The following TTLL5 variants were observed in gnomAD, a reference collection of about 807,000 sequenced individuals.
TTLL5 encodes tubulin tyrosine ligase like 5.
In TTLL5, 132 loss-of-function variants were observed where a neutral mutation model predicts 168.4. The observed-to-expected ratio is 0.78, with a 90% CI of 0.68 to 0.91. TTLL5 has a LOEUF of 0.91. Among genes scored for constraint, TTLL5 ranks in the 40% least tolerant of loss-of-function variants. TTLL5 has a pLI of 0.00. For synonymous variants in TTLL5, 546 were observed against 558.6 expected (o/e 0.98, Z 0.32); for missense variants, 1,545 against 1,581.5 (o/e 0.98, Z 0.39).
chr14:75,731,994 C>T (rs532433481), intron 12 of TTLL5, among the ~76,000 whole-genome samples: 1 of 150,842 alleles, frequency 6.6e-6, no homozygotes, highest in Admixed American at 6.6e-5. Flanking sequence ...ATTCCTTTCC[C>T]CGCCTCTTTT....
chr14:75,875,039 T>G (rs1269919846), intron 29 of TTLL5, among the ~76,000 whole-genome samples: 1 of 145,968 alleles, frequency 6.9e-6, no homozygotes, highest in African/African-American at 2.5e-5. Context: ...GTTCACACCA[T>G]TCTCCTGCCT....
intron 31 of TTLL5, among the ~76,000 whole-genome samples, chr14:75,940,502 C>T (rs926319943): frequency 2.6e-5 from 4 of 152,124 alleles, no homozygotes; most frequent in African/African-American, 7.2e-5. Flanking sequence ...ACCAGATATA[C>T]TCAAGTAGGT....
In TTLL5 at chr14:75,883,437, C is replaced by T. The variant is rs552716581; in HGVS notation, c.3740+535C>T. Reference sequence around the variant, plus strand: ...GAACTAGAAATAGATTGGTGAAGAGCGTTGGTTCTAGCAGCCCTTCTTCAG... The same window carrying T: ...GAACTAGAAATAGATTGGTGAAGAGTGTTGGTTCTAGCAGCCCTTCTTCAG... On this transcript the variant is annotated intron_variant, in intron 30 of 31. Coordinates refer to ENST00000298832, the MANE Select transcript of TTLL5 (RefSeq NM_015072.5). Among the ~76,000 whole-genome samples the T allele has an allele frequency of 1.8e-3, 270 of 152,342 alleles. 1 individual carries two copies. Among genetic ancestry groups the T allele is most frequent in the Non-Finnish European group, 3.0e-3 (202 of 68,032 alleles).
At chr14:75,752,857 C>T (rs1311999114) in intron 17 of TTLL5, 36 bp from the exon 18 acceptor site, 9 of 1,594,608 alleles carry the variant, frequency 5.6e-6, no homozygotes, top group South Asian at 1.1e-5. Context: ...CTTGAACTAG[C>T]TTAAGAAATA....
At chr14:75,811,041 C>T (rs1371735087) in intron 27 of TTLL5, among the ~76,000 whole-genome samples, 1 of 144,182 alleles carries the variant, frequency 6.9e-6, no homozygotes, top group Non-Finnish European at 1.5e-5. Flanking sequence ...CCTTGATAGC[C>T]TTGCAGAGAC....
intron 7 of TTLL5, 34 bp downstream of exon 7, chr14:75,699,304 C>CA: frequency 6.4e-7 from 1 of 1,559,430 alleles, no homozygotes; most frequent in Non-Finnish European, 8.8e-7. Flanking sequence ...CCTCTCTCCT[C>CA]ACTTGTTCTT....
At chr14:75,775,380 A>G (rs1891655597) in intron 21 of TTLL5, 104 bp from the exon 22 acceptor site, 1 of 1,302,532 alleles carries the variant, frequency 7.7e-7, no homozygotes, top group Non-Finnish European at 1.1e-6. Flanking sequence ...AATGTGTAAT[A>G]TATGTCTTCT....
intron 12 of TTLL5, among the ~76,000 whole-genome samples, chr14:75,721,566 G>A (rs1376243392): frequency 2.0e-5 from 3 of 152,136 alleles, no homozygotes; most frequent in Non-Finnish European, 4.4e-5. Flanking sequence ...GGGTTTTAGA[G>A]CCTAACAGCC....
chr14:75,783,235 C>T lies in TTLL5; in HGVS notation c.2691C>T (p.Asn897=). The T allele has an allele frequency of 6.2e-7, 1 of 1,614,208 alleles. No individual in the cohort carries two copies. The highest frequency in any genetic ancestry group is 8.5e-7 in the Non-Finnish European group (1 of 1,180,032). ...GPTATLQKIP[N]THLSSVTTSD... ...CTGCTACTCTGCAGAAAATTCCCAA[C>T]ACCCATTTGTCATCTGTTACAACCT... Residue 897 remains asparagine, a synonymous_variant, in exon 26 of 32, where the codon AAC becomes AAT. Transcript: ENST00000298832.
intron 11 of TTLL5, among the ~76,000 whole-genome samples, chr14:75,720,156 GT>G (rs777678451): frequency 6.6e-6 from 1 of 152,156 alleles, no homozygotes; most frequent in African/African-American, 2.4e-5. Flanking sequence ...CAAGTTTCGA[GT>G]TTTCTAAGTT....
chr14:75,826,296 TACACAC>T (rs57519882), intron 28 of TTLL5, among the ~76,000 whole-genome samples: 53 of 139,446 alleles, frequency 3.8e-4, no homozygotes, highest in Middle Eastern at 3.5e-3. Flanking sequence ...AGGATACGCG[TACACAC>T]ACACACACAC....
intron 18 of TTLL5, among the ~76,000 whole-genome samples, 170 bp downstream of exon 18, chr14:75,753,125 A>C (rs906853908): frequency 6.6e-6 from 1 of 152,356 alleles, no homozygotes; most frequent in Middle Eastern, 3.4e-3. Flanking sequence ...ATTTATCATG[A>C]ACTCTCAGCA....
chr14:75,857,171 C>G (rs1184912643), intron 28 of TTLL5, among the ~76,000 whole-genome samples: 1 of 152,058 alleles, frequency 6.6e-6, no homozygotes, highest in Non-Finnish European at 1.5e-5. Context: ...GAAATGTTTT[C>G]TAGTTTACTA....
At chr14:75,850,254 A>C (rs1896773240) in intron 28 of TTLL5, among the ~76,000 whole-genome samples, 1 of 151,732 alleles carries the variant, frequency 6.6e-6, no homozygotes, top group South Asian at 2.1e-4. Flanking sequence ...TAAAAATACA[A>C]AATTATCCGG....
chr14:75,765,112 G>A (rs1217223085), intron 19 of TTLL5, among the ~76,000 whole-genome samples: 3 of 152,164 alleles, frequency 2.0e-5, no homozygotes, highest in Admixed American at 6.5e-5. Context: ...GGTAAGTTCA[G>A]TTCATTCTTT....
chr14:75,809,842 T>C (rs1368958936), intron 27 of TTLL5, among the ~76,000 whole-genome samples: 3 of 152,178 alleles, frequency 2.0e-5, no homozygotes, highest in Non-Finnish European at 2.9e-5. Flanking sequence ...TCTTCACTTA[T>C]TACATTTAAC....
intron 3 of TTLL5, among the ~76,000 whole-genome samples, chr14:75,671,939 T>C (rs1450660317): frequency 6.6e-6 from 1 of 152,236 alleles, no homozygotes; most frequent in African/African-American, 2.4e-5. Flanking sequence ...TGTCTTTGTC[T>C]TGTTTTTGAT....
chr14:75,944,010 C>G (rs1056386254), intron 31 of TTLL5, among the ~76,000 whole-genome samples: 1 of 152,180 alleles, frequency 6.6e-6, no homozygotes, highest in Non-Finnish European at 1.5e-5. Context: ...GGGCACTTGT[C>G]TTTCGAGTCG....
At chr14:75,826,499 A>C (rs1343422740) in intron 28 of TTLL5, among the ~76,000 whole-genome samples, 1 of 152,112 alleles carries the variant, frequency 6.6e-6, no homozygotes, top group East Asian at 1.9e-4. Flanking sequence ...ATAGTTTCAC[A>C]AAAATTATTT....
Sources: allele counts gnomAD v4.1 joint callset (sites outside exome capture counted in the v4.1 genomes callset), GRCh38; gene constraint gnomAD v4.1.1; transcripts MANE v1.5; gene names NCBI Gene and HGNC (gene_info 2026-07-23, HGNC 2026-07-21).